The following CUBN variants were observed in gnomAD, a reference collection of about 807,000 sequenced individuals.
The protein encoded by CUBN is cubilin.
In CUBN, 282 loss-of-function variants were observed where a neutral mutation model predicts 405.3. The ratio of observed to expected loss-of-function variants is 0.70; its 90% confidence interval spans 0.63 to 0.77. The LOEUF (loss-of-function observed/expected upper bound fraction) is 0.77, where lower values mean the gene tolerates loss of function less well. Among genes scored for constraint, CUBN ranks in the 30% least tolerant of loss-of-function variants. The probability of loss-of-function intolerance (pLI) is 0.00; values close to 1 mark genes in which losing one functional copy is unlikely to be tolerated. For synonymous variants in CUBN, 1,684 were observed against 1,617.0 expected, an observed-to-expected ratio of 1.04 and a Z score of -0.99; for missense variants, 4,514 against 4,475.2, an observed-to-expected ratio of 1.01 and a Z score of -0.25.
At position 17,040,567 on chromosome 10, in the gene CUBN, T is replaced by C. The variant is rs772368217; in HGVS notation, c.4017+466A>G. Among the ~76,000 whole-genome samples, 8 of 152,276 alleles carry C rather than the reference T, an allele frequency of 5.3e-5. No individual in the cohort carries two copies. In the Middle Eastern group the frequency reaches 0.01, roughly 194 times the overall value. ...TAAATGTTACTAGTGGTCATGATTA[T>C]AACAATTGAAACTTCAATTTTACAA... On this transcript the variant is annotated intron_variant, in intron 27 of 66. Transcript: ENST00000377833.
At chr10:16,951,634 AG>A (rs1842923424) in intron 33 of CUBN, among the ~76,000 whole-genome samples, 1 of 152,180 alleles carries the variant, frequency 6.6e-6, no homozygotes, top group East Asian at 1.9e-4. Flanking sequence ...CTGTAAAATG[AG>A]GACAGAAGTC....
chr10:16,859,893 C>A (rs1174809500), intron 59 of CUBN, among the ~76,000 whole-genome samples: 1 of 152,028 alleles, frequency 6.6e-6, no homozygotes, highest in Non-Finnish European at 1.5e-5. Context: ...GCATAGATAG[C>A]ACAAAAGACA....
chr10:16,858,306 CTTATTT>C (rs978331395), intron 59 of CUBN, among the ~76,000 whole-genome samples: 5 of 152,036 alleles, frequency 3.3e-5, no homozygotes, highest in Non-Finnish European at 7.4e-5. Flanking sequence ...AAAAGCTTAA[CTTATTT>C]TTATTTTTAT....
chr10:16,841,144 C>T, intron 60 of CUBN, 97 bp from the exon 61 acceptor site: 1 of 950,138 alleles, frequency 1.1e-6, no homozygotes, highest in Non-Finnish European at 1.6e-6. Context: ...TCACGGTAAA[C>T]ATTTTTACAT....
chr10:17,064,431 G>C (rs1835567277), intron 22 of CUBN, among the ~76,000 whole-genome samples: 1 of 152,198 alleles, frequency 6.6e-6, no homozygotes, highest in Non-Finnish European at 1.5e-5. Context: ...CAGGATGCCA[G>C]AGTGTGTCAC....
chr10:16,991,157 C>T (rs976881721), intron 28 of CUBN, among the ~76,000 whole-genome samples: 2 of 152,192 alleles, frequency 1.3e-5, no homozygotes, highest in South Asian at 2.1e-4. Context: ...CTTAGAAAGC[C>T]ATTCAGGCAG....
intron 4 of CUBN, among the ~76,000 whole-genome samples, chr10:17,126,254 T>C (rs746581957): frequency 6.6e-6 from 1 of 152,220 alleles, no homozygotes; most frequent in Non-Finnish European, 1.5e-5. Context: ...TAAGTTTACA[T>C]AGATCAGTCT....
intron 2 of CUBN, among the ~76,000 whole-genome samples, chr10:17,128,266 T>C (rs1375513450): frequency 6.6e-6 from 1 of 152,202 alleles, no homozygotes; most frequent in African/African-American, 2.4e-5. Flanking sequence ...CCTGGGCAAG[T>C]TACCTAACTG....
intron 51 of CUBN, among the ~76,000 whole-genome samples, 181 bp downstream of exon 51, chr10:16,903,785 A>C (rs923460924): frequency 2.7e-5 from 4 of 150,820 alleles, no homozygotes; most frequent in African/African-American, 4.8e-5. Context: ...GCAAATTATA[A>C]AATTTCTAGA....
chr10:16,943,507 C>G (rs1842710215), intron 36 of CUBN, among the ~76,000 whole-genome samples: 1 of 152,104 alleles, frequency 6.6e-6, no homozygotes, highest in African/African-American at 2.4e-5. Flanking sequence ...TGTATACATT[C>G]AGGCTCAATT....
At position 17,058,216 on chromosome 10, in the gene CUBN, C is replaced by A. The variant is rs907606497; in HGVS notation, c.3139+7292G>T. 3.3e-5 allele frequency among the ~76,000 whole-genome samples: 5 copies of A among 151,852 alleles called. No individual in the cohort carries two copies. In the East Asian group the frequency reaches 9.6e-4, roughly 29 times the overall value. On this transcript the variant is annotated intron_variant, in intron 22 of 66. Coordinates refer to ENST00000377833, the MANE Select transcript of CUBN (RefSeq NM_001081.4). ...TAAAACTATTCTATATTGGTAGAAA[C>A]CAGGTGTGTGTTTGCTGACATAGAG...
intron 29 of CUBN, among the ~76,000 whole-genome samples, chr10:16,985,452 A>G (rs11254320): frequency 0.058 from 8,788 of 152,262 alleles, 365 homozygotes; most frequent in Non-Finnish European, 0.088. Context: ...CCATCGCCCA[A>G]TAAAATCCCC....
intron 31 of CUBN, among the ~76,000 whole-genome samples, chr10:16,964,320 G>C (rs760290533): frequency 6.6e-6 from 1 of 152,106 alleles, no homozygotes; most frequent in Non-Finnish European, 1.5e-5. Flanking sequence ...ATAATAAAGC[G>C]TGGCTAACTG....
At chr10:17,078,273 T>C (rs1378125138) in intron 17 of CUBN, among the ~76,000 whole-genome samples, 7 of 152,236 alleles carry the variant, frequency 4.6e-5, no homozygotes, top group Admixed American at 4.6e-4. Flanking sequence ...CATCCCTGTG[T>C]GATTCCAGCC....
At position 17,019,888 on chromosome 10, in the gene CUBN, A is replaced by G; in HGVS notation, c.4113T>C (p.Leu1371=). 1.2e-6 allele frequency: 2 copies of G among 1,614,118 alleles called. No individual in the cohort carries two copies. The highest frequency in any genetic ancestry group is 1.7e-6 in the Non-Finnish European group (2 of 1,179,986). Residue 1371 remains leucine, a synonymous_variant, in exon 28 of 67, where the codon CTT becomes CTC. Coordinates refer to ENST00000377833, the MANE Select transcript of CUBN (RefSeq NM_001081.4). ...TCTCACGGCGGCCAACCCCATCTGT[A>G]AGGAGCAGCACTTGAAGCTTGGAGC... ...TTSSKLQVLL[L]TDGVGRREKG...
rs532672983 is a variant in CUBN, at chr10:17,089,804, G to A, written c.1766-1459C>T. Reference sequence around the variant, plus strand: ...ATACGACAAGTGAATAAGGTATTTTGTTGCAGTAACATTTGGAATTCCAAA... The same window carrying A: ...ATACGACAAGTGAATAAGGTATTTTATTGCAGTAACATTTGGAATTCCAAA... On this transcript the variant is annotated intron_variant, in intron 14 of 66. Coordinates refer to ENST00000377833, the MANE Select transcript of CUBN (RefSeq NM_001081.4). Among the ~76,000 whole-genome samples, 129 of 152,266 alleles carry A rather than the reference G, an allele frequency of 8.5e-4. 1 individual carries two copies. The highest frequency in any genetic ancestry group is 3.9e-3 in the Admixed American group (59 of 15,298).
chr10:17,015,233 T>C (rs1222330304), intron 28 of CUBN, among the ~76,000 whole-genome samples: 1 of 152,208 alleles, frequency 6.6e-6, no homozygotes, highest in Non-Finnish European at 1.5e-5. Flanking sequence ...TAGCCTGATT[T>C]GGACTGGGTG....
chr10:16,967,783 GAGA>G (rs1007735571), intron 31 of CUBN, among the ~76,000 whole-genome samples: 1 of 147,014 alleles, frequency 6.8e-6, no homozygotes, highest in Non-Finnish European at 1.5e-5. Context: ...GAGAAAGAGA[GAGA>G]AGGAGAGACG....
At chr10:16,952,251 T>A (rs1471683845) in intron 33 of CUBN, 25 bp downstream of exon 33, 5 of 1,552,024 alleles carry the variant, frequency 3.2e-6, no homozygotes, top group Non-Finnish European at 4.4e-6. Context: ...CTGTGTGCCT[T>A]TTCTTTTTCA....
Sources: gnomAD v4.1 joint callset for allele counts (sites outside exome capture counted in the v4.1 genomes callset) on GRCh38, gnomAD v4.1.1 for gene constraint, MANE v1.5 for transcripts, NCBI Gene and HGNC (gene_info 2026-07-23, HGNC 2026-07-21) for gene names.